The following SPN variants were observed in gnomAD, a reference collection of about 807,000 sequenced individuals.
SPN encodes the protein sialophorin.
SPN carries 6 observed loss-of-function variants against 8.4 expected under a neutral mutation model. That is an observed-to-expected ratio of 0.72 (90% CI 0.39 to 1.42). SPN has a LOEUF of 1.42. Ranked by LOEUF, SPN falls within the 40% of genes most tolerant of loss-of-function variation. The probability of loss-of-function intolerance (pLI) is 0.02; values close to 1 mark genes in which losing one functional copy is unlikely to be tolerated. For missense variants in SPN, 517 were observed against 530.6 expected, an observed-to-expected ratio of 0.97 and a Z score of 0.25; for synonymous variants, 201 against 222.6, an observed-to-expected ratio of 0.90 and a Z score of 0.86.
rs1402543215 is a variant in SPN at position 29,666,520 on chromosome 16, T to TCACACA, written c.*1590_*1591insACACAC. 4.6e-4 allele frequency: 61 copies of TCACACA among 133,488 alleles called. 1 individual carries two copies. Among genetic ancestry groups the TCACACA allele is most frequent in the African/African-American group, 1.7e-3 (48 of 28,660 alleles). The allele number at this position is 133,488 out of a possible 1,614,324, so 8.3% of individuals were successfully genotyped here. On this transcript the variant is annotated 3_prime_UTR_variant, in exon 2 of 2. Coordinates refer to ENST00000652691, the MANE Select transcript of SPN (RefSeq NM_003123.6). ...CATGTGCGCTCTCTCTCTCTCTCTC[T>TCACACA]CTCTCACACACACACACACACACAC...
Position 29,670,667 on chromosome 16 carries a change from T to C in SPN, c.*5736T>C. 2.3e-6 allele frequency: 1 copy of C among 426,310 alleles called. No individual in the cohort carries two copies. The highest frequency in any genetic ancestry group is 4.7e-6 in the Non-Finnish European group (1 of 211,400). The allele number at this position is 426,310 out of a possible 1,614,324, so 26.4% of individuals were successfully genotyped here. A position where few individuals can be genotyped will look rare whatever the true frequency, so the allele number is the denominator to read the frequency against. On this transcript the variant is annotated 3_prime_UTR_variant, in exon 2 of 2. Transcript: ENST00000652691. ...ATGTTAAGTGGGGAAAAAAGCAAGTTACTCCTCTGTAATACATATGATTTT... is the reference window on the plus strand; with the variant it reads ...ATGTTAAGTGGGGAAAAAAGCAAGTCACTCCTCTGTAATACATATGATTTT...
chr16:29,663,725 G>A lies in SPN; in HGVS notation c.-4G>A, dbSNP rs1335983340. 2 of 1,550,332 alleles carry A rather than the reference G, an allele frequency of 1.3e-6. No individual in the cohort carries two copies. Among genetic ancestry groups the A allele is most frequent in the Non-Finnish European group, 1.7e-6 (2 of 1,150,772 alleles). On this transcript the variant is annotated 5_prime_UTR_variant, in exon 2 of 2. Coordinates refer to ENST00000652691, the MANE Select transcript of SPN (RefSeq NM_003123.6). The surrounding 1 kb of genome is among the most constrained non-coding windows in gnomAD (Gnocchi z 4.3). ...AGCTCTTGCTCCTGCCTGTTTGCCT[G>A]GAAATGGCCACGCTTCTCCTTCTCC...
At position 29,664,432 on chromosome 16, in the gene SPN, C is replaced by T. The variant is rs751626507; in HGVS notation, c.704C>T (p.Thr235Met). The T allele has an allele frequency of 7.4e-6, 12 of 1,614,092 alleles. No homozygotes were observed. The highest frequency in any genetic ancestry group is 6.7e-5 in the Admixed American group (4 of 60,010). ...AAACTATCTACAATGATGTCTCCAA[C>T]GACCTCCACCAACGCAAGCACTGTG... ...SVKLSTMMSP[T>M]TSTNASTVPF... The change falls in exon 2 of 2, where the codon ACG becomes ATG. Residue 235 changes from threonine (T) to methionine (M), a missense_variant. Physicochemically the swap from Thr to Met is moderately conservative, Grantham distance 81 (BLOSUM62 -1). Transcript: ENST00000652691. The surrounding 1 kb of genome is among the most constrained non-coding windows in gnomAD (Gnocchi z 6.4).
In SPN at chr16:29,667,434, CA is replaced by C. The variant is rs1017302279; in HGVS notation, c.*2504del. ...AAAGAGGTAGTACGGGTAAGGAAGG[CA>C]CCCAACAGGGCTTTCACAATCCAGA... On this transcript the variant is annotated 3_prime_UTR_variant, in exon 2 of 2. Coordinates refer to ENST00000652691, the MANE Select transcript of SPN (RefSeq NM_003123.6). The C allele has an allele frequency of 2.3e-4, 43 of 185,954 alleles. 1 individual carries two copies. Among genetic ancestry groups the C allele is most frequent in the African/African-American group, 1.0e-3 (43 of 42,424 alleles). The allele number at this position is 185,954 out of a possible 1,614,324, so 11.5% of individuals were successfully genotyped here.
In SPN at chr16:29,664,619, C is replaced by A. The variant is rs1406876131; in HGVS notation, c.891C>A (p.Asn297Lys). Residue 297 changes from asparagine to lysine, a missense_variant, in exon 2 of 2, where the codon AAC becomes AAA. Coordinates refer to ENST00000652691, the MANE Select transcript of SPN (RefSeq NM_003123.6). The surrounding 1 kb of genome is among the most constrained non-coding windows in gnomAD (Gnocchi z 6.4). ...ALVLSRGGKR[N>K]GVVDAWAGPA... ...TGCTGAGCAGAGGCGGCAAGCGTAA[C>A]GGGGTGGTGGACGCCTGGGCTGGGC... 28 of 1,594,436 alleles carry A rather than the reference C, an allele frequency of 1.8e-5. No homozygotes were observed. Among genetic ancestry groups the A allele is most frequent in the African/African-American group, 4.0e-5 (3 of 74,508 alleles).
In SPN at chr16:29,665,267, G is replaced by A. The variant is rs1966795530; in HGVS notation, c.*336G>A. 5.0e-6 allele frequency: 1 copy of A among 198,148 alleles called. No homozygotes were observed. The highest frequency in any genetic ancestry group is 6.1e-5 in the Admixed American group (1 of 16,272). 12.3% of individuals were successfully genotyped at this position (198,148 alleles called of 1,614,324 possible). ...GATGGGGTTTCACCATGTTGGCTAG[G>A]CTGGTCTCAAACTCCTGACCTCAGG... On this transcript the variant is annotated 3_prime_UTR_variant, in exon 2 of 2. Transcript: ENST00000652691.
In SPN at chr16:29,666,733, G is replaced by T; in HGVS notation, c.*1802G>T. On this transcript the variant is annotated 3_prime_UTR_variant, in exon 2 of 2. Transcript: ENST00000652691. ...TCCTCCAAGAGGAACCAGTGAGAGT[G>T]AGTGAAGGAGGGGCCTGGAGCCAGG... 2 of 378,198 alleles carry T rather than the reference G, an allele frequency of 5.3e-6. No homozygotes were observed. The highest frequency in any genetic ancestry group is 1.1e-5 in the Non-Finnish European group (2 of 181,860). 23.4% of individuals were successfully genotyped at this position (378,198 alleles called of 1,614,324 possible).
rs190537510 is a variant in SPN, at chr16:29,669,950, A to G, written c.*5019A>G. 1.2e-5 allele frequency: 2 copies of G among 165,104 alleles called. No individual in the cohort carries two copies. Among genetic ancestry groups the G allele is most frequent in the East Asian group, 4.0e-4 (2 of 4,994 alleles). 10.2% of individuals were successfully genotyped at this position (165,104 alleles called of 1,614,324 possible). ...TGCAGTGGCTATGCGGTGGCACTAT[A>G]GGAGGCTGAGGCGGGCAGATCACCT... On this transcript the variant is annotated 3_prime_UTR_variant, in exon 2 of 2. Transcript: ENST00000652691.
At position 29,665,715 on chromosome 16, in the gene SPN, C is replaced by A. The variant is rs745944022; in HGVS notation, c.*784C>A. 3.0e-5 allele frequency: 5 copies of A among 167,094 alleles called. No homozygotes were observed. Among genetic ancestry groups the A allele is most frequent in the South Asian group, 2.1e-4 (1 of 4,836 alleles). The allele number at this position is 167,094 out of a possible 1,614,324, so 10.4% of individuals were successfully genotyped here. On this transcript the variant is annotated 3_prime_UTR_variant, in exon 2 of 2. Coordinates refer to ENST00000652691, the MANE Select transcript of SPN (RefSeq NM_003123.6). ...CTCCTAGGATTAACTTTGTAAAGCA[C>A]CCTTGCCCTGTAGCTGCAAGGGCTG...
chr16:29,666,552 A>ACGCGCGGGCGCGCGCGCGCG lies in SPN; in HGVS notation c.*1627_*1628insGGCGCGCGCGCGCGCGCGCG, dbSNP rs1966817492. The ACGCGCGGGCGCGCGCGCGCG allele has an allele frequency of 2.1e-5, 3 of 141,258 alleles. No individual in the cohort carries two copies. The highest frequency in any genetic ancestry group is 3.0e-5 in the African/African-American group (1 of 33,184). 8.8% of individuals were successfully genotyped at this position (141,258 alleles called of 1,614,324 possible). On this transcript the variant is annotated 3_prime_UTR_variant, in exon 2 of 2. Coordinates refer to ENST00000652691, the MANE Select transcript of SPN (RefSeq NM_003123.6). ...CACACACACACACACACACACACAC[A>ACGCGCGGGCGCGCGCGCGCG]CGCGCGCGCGCGCGCGCTCTCCTGC... is the stretch of plus-strand genomic sequence containing the variant.
Position 29,667,423 on chromosome 16 carries a change from G to A in SPN, c.*2492G>A. The A allele has an allele frequency of 5.3e-6, 1 of 188,988 alleles. No homozygotes were observed. The allele number at this position is 188,988 out of a possible 1,614,324, so 11.7% of individuals were successfully genotyped here. A position where few individuals can be genotyped will look rare whatever the true frequency, so the allele number is the denominator to read the frequency against. On this transcript the variant is annotated 3_prime_UTR_variant, in exon 2 of 2. Coordinates refer to ENST00000652691, the MANE Select transcript of SPN (RefSeq NM_003123.6). ...AATCCTGAAAAAAAGAGGTAGTACG[G>A]GTAAGGAAGGCACCCAACAGGGCTT...
In SPN at chr16:29,669,144, T is replaced by TA. The variant is rs1192630267; in HGVS notation, c.*4213_*4214insA. 2.4e-5 allele frequency: 4 copies of TA among 166,756 alleles called. No individual in the cohort carries two copies. The highest frequency in any genetic ancestry group is 7.3e-5 in the African/African-American group (3 of 41,358). The allele number at this position is 166,756 out of a possible 1,614,324, so 10.3% of individuals were successfully genotyped here. A position where few individuals can be genotyped will look rare whatever the true frequency, so the allele number is the denominator to read the frequency against. ...CAAAAAGTAAACATTTATATATATA[T>TA]TTTTTAAAGTGGAGCAGTTCAATAT... is the stretch of plus-strand genomic sequence containing the variant. On this transcript the variant is annotated 3_prime_UTR_variant, in exon 2 of 2. Transcript: ENST00000652691.
In SPN at chr16:29,663,582, C is replaced by T. The variant is rs1966761981; in HGVS notation, c.-34-113C>T. ...CAGTAAAAGCCAGCATGGAAAAAAC[C>T]GTTAAACCGCAGGTTGGGCCTGGCC... On this transcript the variant is annotated intron_variant, in intron 1 of 1. Transcript: ENST00000652691. This position sits in a 1 kb window ranked among gnomAD's most constrained non-coding sequence, Gnocchi z 4.3. 4.5e-6 allele frequency: 5 copies of T among 1,120,650 alleles called. No individual in the cohort carries two copies. The highest frequency in any genetic ancestry group is 4.8e-5 in the Admixed American group (2 of 41,434). The allele number at this position is 1,120,650 out of a possible 1,614,324, so 69.4% of individuals were successfully genotyped here.
In SPN at chr16:29,670,559, G is replaced by A. The variant is rs1001928301; in HGVS notation, c.*5628G>A. ...AAATATATTAGTTATGAAAATAATT[G>A]TAAATGGCTTATTGAACTTATAGTC... On this transcript the variant is annotated 3_prime_UTR_variant, in exon 2 of 2. Coordinates refer to ENST00000652691, the MANE Select transcript of SPN (RefSeq NM_003123.6). 7.8e-5 allele frequency: 20 copies of A among 257,482 alleles called. No homozygotes were observed. Among genetic ancestry groups the A allele is most frequent in the Admixed American group, 2.5e-4 (5 of 19,938 alleles). 15.9% of individuals were successfully genotyped at this position (257,482 alleles called of 1,614,324 possible). A position where few individuals can be genotyped will look rare whatever the true frequency, so the allele number is the denominator to read the frequency against.
At position 29,663,804 on chromosome 16, in the gene SPN, A is replaced by G. The variant is rs776829205; in HGVS notation, c.76A>G (p.Thr26Ala). 7 of 1,613,820 alleles carry G rather than the reference A, an allele frequency of 4.3e-6. No individual in the cohort carries two copies. The highest frequency in any genetic ancestry group is 5.9e-6 in the Non-Finnish European group (7 of 1,179,936). ...DALGSTTAVQ[T>A]PTSGEPLVST... The stretch of plus-strand genomic sequence containing the variant: ...TCTGGGGAGCACAACAGCAGTGCAG[A>G]CACCCACCTCCGGAGAGCCTTTGGT... The change falls in exon 2 of 2, where the codon ACA becomes GCA. Residue 26 changes from threonine to alanine, a missense_variant. Transcript: ENST00000652691. This position sits in a 1 kb window ranked among gnomAD's most constrained non-coding sequence, Gnocchi z 4.3.
rs1281314475 is a variant in SPN at position 29,669,931 on chromosome 16, G to T, written c.*5000G>T. 6.0e-6 allele frequency: 1 copy of T among 165,530 alleles called. No homozygotes were observed. The highest frequency in any genetic ancestry group is 1.5e-5 in the Non-Finnish European group (1 of 67,958). 10.3% of individuals were successfully genotyped at this position (165,530 alleles called of 1,614,324 possible). A position where few individuals can be genotyped will look rare whatever the true frequency, so the allele number is the denominator to read the frequency against. On this transcript the variant is annotated 3_prime_UTR_variant, in exon 2 of 2. Transcript: ENST00000652691. ...CAGTAAGAAAATAGTTGGGTGCAGTGGCTATGCGGTGGCACTATAGGAGGC... is the reference window on the plus strand; with the variant it reads ...CAGTAAGAAAATAGTTGGGTGCAGTTGCTATGCGGTGGCACTATAGGAGGC...
rs900907724 is a variant in SPN, at chr16:29,668,216, G to C, written c.*3285G>C. The C allele has an allele frequency of 5.4e-5, 9 of 165,868 alleles. No homozygotes were observed. The highest frequency in any genetic ancestry group is 1.9e-4 in the African/African-American group (8 of 41,402). The allele number at this position is 165,868 out of a possible 1,614,324, so 10.3% of individuals were successfully genotyped here. A position where few individuals can be genotyped will look rare whatever the true frequency, so the allele number is the denominator to read the frequency against. ...TCTACATATGAGAACCACCACACCT[G>C]GCTAATTTTTGTATTTTTTGTAGAG... is the stretch of plus-strand genomic sequence containing the variant. On this transcript the variant is annotated 3_prime_UTR_variant, in exon 2 of 2. Coordinates refer to ENST00000652691, the MANE Select transcript of SPN (RefSeq NM_003123.6).
chr16:29,664,062 G>A lies in SPN; in HGVS notation c.334G>A (p.Ala112Thr). 1.2e-6 allele frequency: 2 copies of A among 1,614,004 alleles called. No individual in the cohort carries two copies. The highest frequency in any genetic ancestry group is 1.7e-6 in the Non-Finnish European group (2 of 1,180,008). Residue 112 changes from alanine (A) to threonine (T), a missense_variant, in exon 2 of 2, where the codon GCA becomes ACA. Transcript: ENST00000652691. The surrounding 1 kb of genome is among the most constrained non-coding windows in gnomAD (Gnocchi z 6.4). ...ATCAGTGCCCCAGGAAACCCCTCAT[G>A]CAACCAGTCATCCTGCTGTTCCCAT... ...MSSVPQETPHATSHPAVPITA... is the reference protein window; with the variant it reads ...MSSVPQETPHTTSHPAVPITA...
Position 29,664,952 on chromosome 16 carries a change from T to G in SPN, c.*21T>G. ...CTTAAGTGTCGGTGAATAGTGAGGC[T>G]GGAGGCCGGAATCTCAGCCAGCCTC... On this transcript the variant is annotated 3_prime_UTR_variant, in exon 2 of 2. Transcript: ENST00000652691. The surrounding 1 kb of genome is among the most constrained non-coding windows in gnomAD (Gnocchi z 6.4). 7.4e-7 allele frequency: 1 copy of G among 1,354,210 alleles called. No homozygotes were observed. The highest frequency in any genetic ancestry group is 9.5e-7 in the Non-Finnish European group (1 of 1,047,612). The allele number at this position is 1,354,210 out of a possible 1,614,324, so 83.9% of individuals were successfully genotyped here.
Sources: allele counts gnomAD v4.1 joint callset, GRCh38; gene constraint gnomAD v4.1.1; non-coding constraint Gnocchi (gnomAD v3.1); transcripts MANE v1.5; gene names NCBI Gene and HGNC (gene_info 2026-07-23, HGNC 2026-07-21).